Variants in FUT8 observed in about 807,000 individuals in gnomAD.
FUT8 encodes fucosyltransferase 8, also known as alpha-(1,6)-fucosyltransferase.
A neutral mutation model predicts 71.3 loss-of-function variants in FUT8; 29 were observed. The ratio of observed to expected loss-of-function variants is 0.41; its 90% CI spans 0.30 to 0.55. The LOEUF is 0.55. FUT8 is among the 20% of genes least tolerant of loss of function. The pLI, the probability that FUT8 is intolerant of heterozygous loss-of-function variation, is 0.34. For missense variants in FUT8, 544 were observed against 702.1 expected, an observed-to-expected ratio of 0.77 and a Z score of 2.55; for synonymous variants, 254 against 239.3, an observed-to-expected ratio of 1.06 and a Z score of -0.57.
intron 2 of FUT8, among the ~76,000 whole-genome samples, chr14:65,520,745 G>A (rs1287920736): frequency 3.9e-5 from 6 of 151,946 alleles, no homozygotes; most frequent in African/African-American, 1.4e-4. Flanking sequence ...ATTTAAAAAG[G>A]TTAACATTGC....
the FUT8 span, among the ~76,000 whole-genome samples, chr14:65,378,104 A>G: frequency 6.6e-6 from 1 of 152,222 alleles, no homozygotes; most frequent in Non-Finnish European, 1.5e-5. Context: ...GTAGTGCTGC[A>G]CTGTAATTCT....
intron 2 of FUT8, among the ~76,000 whole-genome samples, chr14:65,521,387 A>T (rs539504733): frequency 4.6e-5 from 7 of 152,222 alleles, no homozygotes; most frequent in Admixed American, 2.0e-4. Flanking sequence ...TACACTCACA[A>T]TATTTATACT....
At position 65,550,047 on chromosome 14, in the gene FUT8, C is replaced by T. The variant is rs528840867; in HGVS notation, c.-227-11290C>T. ...CTGCACTCCAGCCTGGGTGACAGAG[C>T]GAGACTCTGTCTAAAAACAAAACAA... On this transcript the variant is annotated intron_variant, in intron 2 of 10. Coordinates refer to ENST00000673929, the MANE Select transcript of FUT8 (RefSeq NM_001371533.1). The surrounding 1 kb of genome is among the most constrained non-coding windows in gnomAD (Gnocchi z 4.5). Among the ~76,000 whole-genome samples, 25 of 152,096 alleles carry T rather than the reference C, an allele frequency of 1.6e-4. No individual in the cohort carries two copies. The highest frequency in any genetic ancestry group is 5.5e-4 in the African/African-American group (23 of 41,490).
chr14:65,611,261 A>ACCC (rs1566851254), intron 3 of FUT8, among the ~76,000 whole-genome samples: 1 of 72,894 alleles, frequency 1.4e-5, no homozygotes, highest in African/African-American at 1.0e-4. Context: ...ACACACACAC[A>ACCC]CACACACACA....
chr14:65,663,148 G>A (rs1235278690), intron 6 of FUT8, among the ~76,000 whole-genome samples: 3 of 152,074 alleles, frequency 2.0e-5, no homozygotes, highest in Non-Finnish European at 4.4e-5. Context: ...CAACTGGATA[G>A]TATAAAACTA....
At chr14:65,394,510 C>G in the FUT8 span, among the ~76,000 whole-genome samples, 1 of 152,192 alleles carries the variant, frequency 6.6e-6, no homozygotes, top group Non-Finnish European at 1.5e-5. Context: ...TCCCAACAGT[C>G]CCCCAAAGTC....
chr14:65,526,498 G>C (rs1883480079), intron 2 of FUT8, among the ~76,000 whole-genome samples: 2 of 152,020 alleles, frequency 1.3e-5, no homozygotes, highest in Admixed American at 1.3e-4. Flanking sequence ...CACACTGATG[G>C]GTCTTGACTC....
rs951351022 is a variant in FUT8 at position 65,494,574 on chromosome 14, G to C, written c.-228+38856G>C. Among the ~76,000 whole-genome samples the C allele has an allele frequency of 4.2e-4, 64 of 152,210 alleles. 1 individual carries two copies. Among genetic ancestry groups the C allele is most frequent in the Middle Eastern group, 3.4e-3 (1 of 294 alleles). Reference sequence around the variant, plus strand: ...TTGTATCCAGAGAATCTACTCAGGAGGGGCAACGTATTTTTTTATTTTTTA... The same window carrying C: ...TTGTATCCAGAGAATCTACTCAGGACGGGCAACGTATTTTTTTATTTTTTA... On this transcript the variant is annotated intron_variant, in intron 2 of 10. Transcript: ENST00000673929.
At chr14:65,440,183 G>A (rs546727377) in intron 1 of FUT8, among the ~76,000 whole-genome samples, 5 of 151,618 alleles carry the variant, frequency 3.3e-5, no homozygotes, top group Non-Finnish European at 7.4e-5. Flanking sequence ...GAATATAATG[G>A]TGATTACCAG....
chr14:65,466,897 G>A (rs189569192), intron 2 of FUT8, among the ~76,000 whole-genome samples: 1 of 149,648 alleles, frequency 6.7e-6, no homozygotes, highest in Admixed American at 6.6e-5. Context: ...AGTATTGTCA[G>A]TTCCTTTTTC....
At chr14:65,389,290 C>A in the FUT8 span, among the ~76,000 whole-genome samples, 1 of 151,874 alleles carries the variant, frequency 6.6e-6, no homozygotes, top group South Asian at 2.1e-4. Flanking sequence ...CTTCCTGCAG[C>A]CTAAACTTCC....
rs370161943 is a variant in FUT8, at chr14:65,639,689, A to C, written c.597+10083A>C. 1.2e-4 allele frequency among the ~76,000 whole-genome samples: 19 copies of C among 152,182 alleles called. 3 individuals carry two copies. Among genetic ancestry groups the C allele is most frequent in the African/African-American group, 4.3e-4 (18 of 41,530 alleles). Reference sequence around the variant, plus strand: ...TTTTAGAAAACTTTTATTATGGAAAACTTTAACATGTATAAAAATAAGAGC... The same window carrying C: ...TTTTAGAAAACTTTTATTATGGAAACCTTTAACATGTATAAAAATAAGAGC... On this transcript the variant is annotated intron_variant, in intron 6 of 10. Transcript: ENST00000673929.
intron 2 of FUT8, among the ~76,000 whole-genome samples, chr14:65,485,244 CT>C (rs1189375406): frequency 2.0e-5 from 3 of 152,090 alleles, no homozygotes; most frequent in Non-Finnish European, 4.4e-5. Context: ...CAATTGATTG[CT>C]TTATTCATGT....
At chr14:65,367,614 A>G in the FUT8 span, among the ~76,000 whole-genome samples, 7,178 of 152,296 alleles carry the variant, frequency 0.047, 205 homozygotes, top group Middle Eastern at 0.11. Flanking sequence ...TCCCCAAATC[A>G]TAATCAAAGA....
At chr14:65,445,747 C>T (rs2065730057) in intron 1 of FUT8, among the ~76,000 whole-genome samples, 1 of 152,104 alleles carries the variant, frequency 6.6e-6, no homozygotes. Context: ...TTTTTTACGT[C>T]TCAAGGATTT....
intron 2 of FUT8, among the ~76,000 whole-genome samples, chr14:65,482,999 C>A (rs1341595934): frequency 6.6e-6 from 1 of 152,154 alleles, no homozygotes; most frequent in African/African-American, 2.4e-5. Flanking sequence ...GCTCAGAGGG[C>A]AGCAATACCC....
chr14:65,454,789 T>C (rs1207678908), intron 1 of FUT8, among the ~76,000 whole-genome samples: 1 of 152,214 alleles, frequency 6.6e-6, no homozygotes, highest in Non-Finnish European at 1.5e-5. Context: ...CAGTGAACAT[T>C]TGATGTGCGA....
At chr14:65,634,009 G>A (rs1448033915) in intron 6 of FUT8, among the ~76,000 whole-genome samples, 8 of 149,068 alleles carry the variant, frequency 5.4e-5, no homozygotes, top group East Asian at 4.1e-4. Flanking sequence ...CCCGGCCACC[G>A]CTACTGGGAA....
chr14:65,528,473 G>A lies in FUT8; in HGVS notation c.-227-32864G>A, dbSNP rs117937654. 5.8e-3 allele frequency among the ~76,000 whole-genome samples: 877 copies of A among 152,276 alleles called. 34 individuals carry two copies. The East Asian group carries it at 0.093, about 16-fold the overall frequency. On this transcript the variant is annotated intron_variant, in intron 2 of 10. Transcript: ENST00000673929. ...ACAGCTTCCCTTGGCTAGGAAAGGGGATTTCCTGACCCCTTGAGCTTCCCA... is the reference window on the plus strand; with the variant it reads ...ACAGCTTCCCTTGGCTAGGAAAGGGAATTTCCTGACCCCTTGAGCTTCCCA...
Sources: allele counts gnomAD v4.1 joint callset (sites outside exome capture counted in the v4.1 genomes callset), GRCh38; gene constraint gnomAD v4.1.1; non-coding constraint Gnocchi (gnomAD v3.1); transcripts MANE v1.5; gene names NCBI Gene and HGNC (gene_info 2026-07-23, HGNC 2026-07-21).